ENPP6: variants seen among roughly 807,000 people sequenced by gnomAD.
ENPP6 encodes the protein ectonucleotide pyrophosphatase/phosphodiesterase 6.
In ENPP6, 32 loss-of-function variants were observed where a neutral mutation model predicts 42.0. The observed-to-expected ratio is 0.76, with a 90% CI of 0.58 to 1.02. ENPP6 has a LOEUF of 1.02. Ranked by LOEUF, ENPP6 falls within the 50% of genes least tolerant of loss-of-function variation. The probability of loss-of-function intolerance (pLI) is 0.00; values close to 1 mark genes in which losing one functional copy is unlikely to be tolerated. For synonymous variants in ENPP6, 213 were observed against 216.0 expected, an observed-to-expected ratio of 0.99 and a Z score of 0.12; for missense variants, 552 against 566.8, an observed-to-expected ratio of 0.97 and a Z score of 0.27.
At chr4:184,113,436 C>T (rs995663923) in intron 5 of ENPP6, among the ~76,000 whole-genome samples, 2 of 152,154 alleles carry the variant, frequency 1.3e-5, no homozygotes, top group African/African-American at 2.4e-5. Context: ...CTGAGAAGGA[C>T]ATACAGCTGT....
chr4:184,121,209 T>C (rs1001804207), intron 3 of ENPP6, among the ~76,000 whole-genome samples: 1 of 152,192 alleles, frequency 6.6e-6, no homozygotes, highest in Non-Finnish European at 1.5e-5. Flanking sequence ...TTCTAGAAGT[T>C]GTCCAAATTC....
chr4:184,132,424 T>A (rs773747625), intron 2 of ENPP6, among the ~76,000 whole-genome samples: 4 of 152,198 alleles, frequency 2.6e-5, no homozygotes, highest in Admixed American at 1.3e-4. Context: ...ATAGGAATTG[T>A]GCATATGTTC....
intron 6 of ENPP6, among the ~76,000 whole-genome samples, chr4:184,109,918 G>T (rs927290083): frequency 6.6e-6 from 1 of 152,128 alleles, no homozygotes; most frequent in Non-Finnish European, 1.5e-5. Context: ...CATGGTCAAC[G>T]CTGATTTGTC....
intron 1 of ENPP6, among the ~76,000 whole-genome samples, chr4:184,154,763 G>C (rs994494802): frequency 1.3e-5 from 2 of 152,104 alleles, no homozygotes; most frequent in African/African-American, 4.8e-5. Flanking sequence ...AGCAAAAATG[G>C]TTTTCACCCA....
At chr4:184,201,330 G>C (rs941157258) in intron 1 of ENPP6, among the ~76,000 whole-genome samples, 4 of 151,996 alleles carry the variant, frequency 2.6e-5, no homozygotes, top group Non-Finnish European at 4.4e-5. Context: ...GCAGGAACTG[G>C]AGCTGCAGGG....
chr4:184,208,985 T>A (rs913274698), intron 1 of ENPP6, among the ~76,000 whole-genome samples: 6 of 142,396 alleles, frequency 4.2e-5, no homozygotes, highest in Non-Finnish European at 3.1e-5. Flanking sequence ...CACTGACACC[T>A]CACACGGCAG....
chr4:184,185,037 T>C (rs1046389984), intron 1 of ENPP6, among the ~76,000 whole-genome samples: 9 of 152,178 alleles, frequency 5.9e-5, no homozygotes, highest in African/African-American at 1.9e-4. Flanking sequence ...TTATGAGAGA[T>C]AATCAAAGAA....
chr4:184,205,642 G>A (rs1016818849), intron 1 of ENPP6, among the ~76,000 whole-genome samples: 1 of 152,220 alleles, frequency 6.6e-6, no homozygotes, highest in Non-Finnish European at 1.5e-5. Flanking sequence ...GGCTGCTCTG[G>A]TTGTAGGGCA....
chr4:184,147,614 C>T (rs1277014486), intron 2 of ENPP6, among the ~76,000 whole-genome samples: 1 of 151,988 alleles, frequency 6.6e-6, no homozygotes, highest in Non-Finnish European at 1.5e-5. Flanking sequence ...CCCCCGCCAC[C>T]CCCGACCCCA....
At chr4:184,213,443 A>T (rs1346855896) in intron 1 of ENPP6, among the ~76,000 whole-genome samples, 2 of 152,146 alleles carry the variant, frequency 1.3e-5, no homozygotes, top group Admixed American at 1.3e-4. Context: ...ATGAACAGAC[A>T]CTTCTCAAAA....
intron 1 of ENPP6, among the ~76,000 whole-genome samples, chr4:184,208,623 G>C (rs4426830): frequency 2.7e-5 from 4 of 149,570 alleles, no homozygotes; most frequent in South Asian, 2.2e-4. Context: ...CTAGCACAGC[G>C]GTCTGAGATC....
chr4:184,096,006 C>T (rs1735895494), intron 7 of ENPP6, among the ~76,000 whole-genome samples: 1 of 152,178 alleles, frequency 6.6e-6, no homozygotes, highest in Admixed American at 6.5e-5. Context: ...TCAGAACCCT[C>T]TCTTAGGCCA....
intron 7 of ENPP6, among the ~76,000 whole-genome samples, chr4:184,092,788 ATGAGT>A (rs1229437166): frequency 6.6e-6 from 1 of 152,218 alleles, no homozygotes; most frequent in Non-Finnish European, 1.5e-5. Flanking sequence ...TTTGAAGGAA[ATGAGT>A]TGTTTGGGGG....
intron 1 of ENPP6, among the ~76,000 whole-genome samples, chr4:184,212,543 G>A (rs1347625333): frequency 2.0e-5 from 3 of 151,064 alleles, no homozygotes; most frequent in South Asian, 2.1e-4. Context: ...GGATGTGAAG[G>A]ACCTCTTCAA....
rs1026153076 is a variant in ENPP6, at chr4:184,215,226, G to A, written c.241+2353C>T. Among the ~76,000 whole-genome samples the A allele has an allele frequency of 9.2e-5, 14 of 152,174 alleles. 1 individual carries two copies. The highest frequency in any genetic ancestry group is 2.6e-4 in the Admixed American group (4 of 15,274). The stretch of plus-strand genomic sequence containing the variant: ...CTTTCTGTATTCTGAGCAATAATTC[G>A]GGTAATGAAGTGAGAGCTTAGCCTC... On this transcript the variant is annotated intron_variant, in intron 1 of 7. Transcript: ENST00000296741.
chr4:184,109,786 C>A (rs184023744), intron 6 of ENPP6, among the ~76,000 whole-genome samples: 3 of 152,304 alleles, frequency 2.0e-5, no homozygotes, highest in African/African-American at 7.2e-5. Flanking sequence ...CTAAGACATA[C>A]AATACAGTAC....
chr4:184,208,335 A>G (rs553685603), intron 1 of ENPP6, among the ~76,000 whole-genome samples: 2 of 152,156 alleles, frequency 1.3e-5, no homozygotes, highest in African/African-American at 2.4e-5. Context: ...TACTGGGTTC[A>G]TCTCACTAGG....
At chr4:184,125,090 G>A (rs565068677) in intron 2 of ENPP6, among the ~76,000 whole-genome samples, 3 of 152,292 alleles carry the variant, frequency 2.0e-5, no homozygotes, top group South Asian at 2.1e-4. Flanking sequence ...GTCTCCTTCC[G>A]GGAGCATCCC....
chr4:184,123,886 T>G (rs187014392), intron 3 of ENPP6, among the ~76,000 whole-genome samples: 1 of 152,350 alleles, frequency 6.6e-6, no homozygotes, highest in East Asian at 1.9e-4. Context: ...TGATGACATT[T>G]ATATTGTTTC....
Sources: allele counts gnomAD v4.1 joint callset (sites outside exome capture counted in the v4.1 genomes callset), GRCh38; gene constraint gnomAD v4.1.1; transcripts MANE v1.5; gene names NCBI Gene and HGNC (gene_info 2026-07-23, HGNC 2026-07-21).